The following PRELID2 variants were observed in gnomAD, a reference collection of about 807,000 sequenced individuals.
The protein encoded by PRELID2 is PRELI domain-containing protein 2.
In PRELID2, 25 loss-of-function variants were observed where a neutral mutation model predicts 28.4. The ratio of observed to expected loss-of-function variants is 0.88; its 90% CI spans 0.64 to 1.23. The LOEUF is 1.23. PRELID2 is among the 50% of genes most tolerant of loss of function. The probability of loss-of-function intolerance (pLI) is 0.00; values close to 1 mark genes in which losing one functional copy is unlikely to be tolerated. For missense variants in PRELID2, 201 were observed against 214.4 expected (o/e 0.94, Z 0.39); for synonymous variants, 76 against 71.6 (o/e 1.06, Z -0.31).
At chr5:145,333,899 C>T in the PRELID2 span, among the ~76,000 whole-genome samples, 2 of 151,900 alleles carry the variant, frequency 1.3e-5, no homozygotes, top group Non-Finnish European at 2.9e-5. Flanking sequence ...AAACCCAGGC[C>T]CTTGGTTTTG....
intron 2 of PRELID2, 44 bp downstream of exon 2, chr5:145,823,033 A>G (rs773639765): frequency 1.9e-6 from 2 of 1,048,658 alleles, no homozygotes; most frequent in East Asian, 4.7e-5. Context: ...AAAAATCACT[A>G]TCATTTAATG....
intron 1 of PRELID2, among the ~76,000 whole-genome samples, chr5:145,666,065 T>G (rs10039939): frequency 0.064 from 9,666 of 151,966 alleles, 1,038 homozygotes; most frequent in African/African-American, 0.22. Context: ...GATAGAGTCT[T>G]CAGACATAAC....
chr5:145,703,902 T>TA (rs1238663531), intron 1 of PRELID2: 1 of 152,160 alleles, frequency 6.6e-6, no homozygotes, highest in African/African-American at 2.4e-5. Context: ...TCATGCAACT[T>TA]AGAGAGAAAA....
chr5:145,283,870 T>A, the PRELID2 span, among the ~76,000 whole-genome samples: 134 of 152,300 alleles, frequency 8.8e-4, 1 homozygote, highest in African/African-American at 3.2e-3. Flanking sequence ...AAACCATCAC[T>A]ACATTCAGTA....
intron 1 of PRELID2, among the ~76,000 whole-genome samples, chr5:145,551,385 A>G (rs1169902513): frequency 2.0e-5 from 3 of 150,196 alleles, no homozygotes. Context: ...TGGGTGACAA[A>G]GCAAGACTCA....
rs191666340 is a variant in PRELID2, at chr5:145,747,565, A to G, written n.70+17366T>C. ...TACTAACCAAAAAAAGCCCAGGACC[A>G]GATTGATTCACAGCCGAATTCTACC... is the stretch of plus-strand genomic sequence containing the variant. On this transcript the variant is annotated intron_variant and non_coding_transcript_variant, in intron 1 of 2. Coordinates refer to the PRELID2 transcript ENST00000510259. 2.7e-3 allele frequency among the ~76,000 whole-genome samples: 414 copies of G among 152,338 alleles called. 3 individuals are homozygous for G. The highest frequency in any genetic ancestry group is 9.2e-3 in the African/African-American group (381 of 41,590).
chr5:145,501,053 G>A (rs904224976), intron 1 of PRELID2, among the ~76,000 whole-genome samples: 7 of 152,082 alleles, frequency 4.6e-5, no homozygotes, highest in Admixed American at 2.0e-4. Flanking sequence ...TTATGGTGAC[G>A]GAAAGGTAAT....
intron 1 of PRELID2, among the ~76,000 whole-genome samples, chr5:145,636,341 G>A (rs7706120): frequency 9.9e-5 from 15 of 151,980 alleles, no homozygotes; most frequent in African/African-American, 3.1e-4. Flanking sequence ...TATCCATCTC[G>A]GTCTGTATAA....
the PRELID2 span, among the ~76,000 whole-genome samples, chr5:145,310,053 G>A: frequency 4.6e-5 from 7 of 152,156 alleles, no homozygotes; most frequent in African/African-American, 1.7e-4. Context: ...TGCAGCCTTG[G>A]ACAAGTTAGT....
chr5:145,503,435 T>C (rs77260668), intron 1 of PRELID2, among the ~76,000 whole-genome samples: 4,363 of 152,176 alleles, frequency 0.029, 212 homozygotes, highest in African/African-American at 0.1. Flanking sequence ...TGTTCAGACG[T>C]TTAAAACAAT....
intron 1 of PRELID2, among the ~76,000 whole-genome samples, chr5:145,522,561 G>T (rs1362062567): frequency 6.6e-6 from 1 of 152,088 alleles, no homozygotes; most frequent in Non-Finnish European, 1.5e-5. Context: ...CCCAAATGAT[G>T]GCGTGTATGC....
At chr5:145,700,247 C>A (rs1052071944) in intron 1 of PRELID2, among the ~76,000 whole-genome samples, 3 of 151,806 alleles carry the variant, frequency 2.0e-5, no homozygotes, top group African/African-American at 7.3e-5. Context: ...ATTTTAGGAC[C>A]CACAGACCTA....
intron 3 of PRELID2, chr5:145,819,448 G>A (rs1289499062): frequency 1.4e-6 from 2 of 1,401,720 alleles, no homozygotes; most frequent in Non-Finnish European, 2.0e-6. Context: ...CTATCATGAA[G>A]ATTTCATCAT....
chr5:145,422,509 A>G, the PRELID2 span, among the ~76,000 whole-genome samples: 1 of 150,938 alleles, frequency 6.6e-6, no homozygotes, highest in Non-Finnish European at 1.5e-5. Context: ...TTCTCTTTTG[A>G]TCTTTGTTGG....
the PRELID2 span, among the ~76,000 whole-genome samples, chr5:145,258,878 C>T: frequency 6.6e-6 from 1 of 152,126 alleles, no homozygotes; most frequent in Admixed American, 6.5e-5. Flanking sequence ...GCCAGCCCCT[C>T]CTATCACAGG....
At chr5:145,455,974 G>A in the PRELID2 span, among the ~76,000 whole-genome samples, 15 of 149,810 alleles carry the variant, frequency 1.0e-4, no homozygotes, top group East Asian at 6.0e-4. Context: ...GACTGGAGCC[G>A]CTCCTATTTG....
chr5:145,725,437 C>T (rs781204393), intron 1 of PRELID2, among the ~76,000 whole-genome samples: 2 of 152,252 alleles, frequency 1.3e-5, no homozygotes, highest in Non-Finnish European at 1.5e-5. Flanking sequence ...AACAAATGAG[C>T]ACTACTTCAT....
intron 1 of PRELID2, among the ~76,000 whole-genome samples, chr5:145,532,924 A>G (rs1201766240): frequency 6.6e-6 from 1 of 152,106 alleles, no homozygotes; most frequent in African/African-American, 2.4e-5. Context: ...CATTAAACAT[A>G]GAATTGCAGA....
chr5:145,740,447 G>T (rs1460530129), intron 1 of PRELID2, among the ~76,000 whole-genome samples: 1 of 139,928 alleles, frequency 7.1e-6, no homozygotes, highest in South Asian at 2.2e-4. Context: ...TCAACAATTG[G>T]TACAACACCT....
Sources: allele counts gnomAD v4.1 joint callset (sites outside exome capture counted in the v4.1 genomes callset), GRCh38; gene constraint gnomAD v4.1.1; transcripts MANE v1.5; gene names NCBI Gene and HGNC (gene_info 2026-07-23, HGNC 2026-07-21).